DEPDC5: variants seen among roughly 807,000 people sequenced by gnomAD.
DEPDC5 encodes the protein DEP domain containing 5, GATOR1 subcomplex subunit.
Under a neutral mutation model 217.3 loss-of-function variants are expected in DEPDC5, and 73 were observed. The ratio of observed to expected loss-of-function variants is 0.34; its 90% confidence interval spans 0.28 to 0.41. The LOEUF is 0.41. DEPDC5 is among the 10% of genes least tolerant of loss of function. The pLI is 1.00. For missense variants in DEPDC5, 1,675 were observed against 2,070.1 expected (o/e 0.81, Z 3.70); for synonymous variants, 733 against 756.7 (o/e 0.97, Z 0.51).
intron 24 of DEPDC5, among the ~76,000 whole-genome samples, chr22:31,824,779 A>G (rs1234554438): frequency 6.6e-6 from 1 of 152,018 alleles, no homozygotes; most frequent in African/African-American, 2.4e-5. Flanking sequence ...CATCCTGGCT[A>G]ACACAGTGAA....
At chr22:31,863,410 G>T (rs963860147) in intron 33 of DEPDC5, among the ~76,000 whole-genome samples, 3 of 152,120 alleles carry the variant, frequency 2.0e-5, no homozygotes, top group Non-Finnish European at 4.4e-5. Context: ...CAGGTGATAC[G>T]CCCACCTTGG....
intron 7 of DEPDC5, among the ~76,000 whole-genome samples, chr22:31,772,088 C>CG (rs2083416909): frequency 6.6e-6 from 1 of 151,678 alleles, no homozygotes; most frequent in Non-Finnish European, 1.5e-5. Flanking sequence ...AAAAAAAGAA[C>CG]GGGGGTTGGT....
intron 18 of DEPDC5, among the ~76,000 whole-genome samples, chr22:31,806,568 T>C (rs1202808665): frequency 6.6e-6 from 1 of 152,242 alleles, no homozygotes; most frequent in African/African-American, 2.4e-5. Flanking sequence ...TGTTTGTTTG[T>C]TTAAGAGTTC....
At chr22:31,857,632 A>G in intron 32 of DEPDC5, 79 bp downstream of exon 32, 1 of 1,232,256 alleles carries the variant, frequency 8.1e-7, no homozygotes, top group Non-Finnish European at 1.2e-6. Context: ...ATCGCCCTTC[A>G]GATCCGGGAT....
At chr22:31,767,681 C>G (rs1029425181) in intron 6 of DEPDC5, among the ~76,000 whole-genome samples, 3 of 152,106 alleles carry the variant, frequency 2.0e-5, no homozygotes, top group Admixed American at 2.0e-4. Context: ...ATCTGCCCAC[C>G]TTGGCCTCCC....
chr22:31,814,930 T>G, intron 20 of DEPDC5, 62 bp from the exon 21 acceptor site: 1 of 1,593,992 alleles, frequency 6.3e-7, no homozygotes, highest in Non-Finnish European at 8.6e-7. Context: ...GGGTTTTAGT[T>G]TTAACTCAAG....
At chr22:31,889,908 G>A (rs967511112) in intron 38 of DEPDC5, among the ~76,000 whole-genome samples, 4 of 152,168 alleles carry the variant, frequency 2.6e-5, no homozygotes, top group Non-Finnish European at 4.4e-5. Context: ...ATGTAGTTTT[G>A]ATGAGCCTTT....
chr22:31,761,601 T>C (rs1363455199), intron 4 of DEPDC5, among the ~76,000 whole-genome samples: 1 of 150,102 alleles, frequency 6.7e-6, no homozygotes, highest in Non-Finnish European at 1.5e-5. Flanking sequence ...AGTTTGAGGT[T>C]TCAATGAGCT....
At chr22:31,795,637 G>A (rs1027287283) in intron 12 of DEPDC5, among the ~76,000 whole-genome samples, 5 of 151,504 alleles carry the variant, frequency 3.3e-5, no homozygotes, top group Admixed American at 2.6e-4. Context: ...CAGGTGATCC[G>A]CCTGCCTTGG....
chr22:31,852,509 T>C lies in DEPDC5; in HGVS notation c.3156-4936T>C, dbSNP rs529786660. Among the ~76,000 whole-genome samples the C allele has an allele frequency of 7.9e-5, 12 of 152,218 alleles. No individual in the cohort carries two copies. The South Asian group carries it at 2.5e-3, about 32-fold the overall frequency. On this transcript the variant is annotated intron_variant, in intron 31 of 42. Transcript: ENST00000651528. ...GCATGCGCCACCACCCCAGCTAATT[T>C]TGTATCTTTAGTAGAGATGGGTTTT...
In DEPDC5 at chr22:31,857,476, G is replaced by C. The variant is rs2149117292; in HGVS notation, c.3187G>C (p.Gly1063Arg). 1.2e-6 allele frequency: 2 copies of C among 1,611,012 alleles called. No individual in the cohort carries two copies. Among genetic ancestry groups the C allele is most frequent in the Non-Finnish European group, 1.7e-6 (2 of 1,178,760 alleles). The change falls in exon 32 of 43, where the codon GGT (glycine) becomes CGT (arginine). Residue 1063 changes from glycine (G) to arginine (R), a missense_variant. Gly to Arg is a moderately radical substitution (Grantham distance 125, BLOSUM62 -2). This residue lies in a region of DEPDC5 where 126 missense variants were observed against 113.8 expected (regional missense o/e 1.11). Coordinates refer to ENST00000651528, the MANE Select transcript of DEPDC5 (RefSeq NM_001242896.3). ...GGGAGAACAGCAGGCAGCTGTGCATGGTGGGAAGAGCTCCGCCCAGTCAGC... is the reference window on the plus strand; with the variant it reads ...GGGAGAACAGCAGGCAGCTGTGCATCGTGGGAAGAGCTCCGCCCAGTCAGC... ...CLGEQQAAVH[G>R]GKSSAQSAES...
chr22:31,886,898 A>C (rs762755886), intron 38 of DEPDC5, among the ~76,000 whole-genome samples: 1 of 146,460 alleles, frequency 6.8e-6, no homozygotes, highest in African/African-American at 2.5e-5. Context: ...GTGAAACCCT[A>C]TCTCTACTGA....
intron 14 of DEPDC5, among the ~76,000 whole-genome samples, chr22:31,802,466 G>A (rs1286371510): frequency 6.6e-6 from 1 of 152,074 alleles, no homozygotes; most frequent in Non-Finnish European, 1.5e-5. Flanking sequence ...AGGCTGCACA[G>A]GGCAAGTATG....
intron 20 of DEPDC5, among the ~76,000 whole-genome samples, chr22:31,812,742 CTT>C (rs569013035): frequency 2.7e-4 from 31 of 116,816 alleles, no homozygotes; most frequent in Admixed American, 8.7e-4. Flanking sequence ...AGATTTCTTT[CTT>C]TTTTTTTTTT....
chr22:31,843,002 A>C (rs928097632), intron 27 of DEPDC5, 93 bp from the exon 28 acceptor site: 2 of 907,882 alleles, frequency 2.2e-6, no homozygotes, highest in Non-Finnish European at 3.3e-6. Flanking sequence ...AGAAAGTGTT[A>C]CATTGTTTTC....
chr22:31,855,881 C>G (rs1225903314), intron 31 of DEPDC5, among the ~76,000 whole-genome samples: 1 of 151,764 alleles, frequency 6.6e-6, no homozygotes, highest in African/African-American at 2.4e-5. Flanking sequence ...TTTTGCATCC[C>G]TGGTATGTGA....
At chr22:31,818,680 C>T (rs1052192165) in intron 21 of DEPDC5, among the ~76,000 whole-genome samples, 9 of 152,300 alleles carry the variant, frequency 5.9e-5, no homozygotes, top group Non-Finnish European at 7.4e-5. Flanking sequence ...AGAATATACT[C>T]GTTCCTTTCC....
intron 5 of DEPDC5, among the ~76,000 whole-genome samples, chr22:31,766,165 A>G (rs2082801202): frequency 1.3e-5 from 2 of 152,214 alleles, no homozygotes; most frequent in Non-Finnish European, 2.9e-5. Context: ...TATATGTAAA[A>G]CTTTCTATTA....
intron 38 of DEPDC5, 169 bp downstream of exon 38, chr22:31,879,921 T>C: frequency 1.5e-6 from 1 of 663,070 alleles, no homozygotes; most frequent in Non-Finnish European, 2.6e-6. Context: ...GACTTCCACT[T>C]GCCGAGTGGT....
Sources: gnomAD v4.1 joint callset for allele counts (sites outside exome capture counted in the v4.1 genomes callset) on GRCh38, gnomAD v4.1.1 for gene constraint, gnomAD v4.1.1 regional missense constraint, MANE v1.5 for transcripts, NCBI Gene and HGNC (gene_info 2026-07-23, HGNC 2026-07-21) for gene names.